The following ADCY8 variants were observed in gnomAD, a reference collection of about 807,000 sequenced individuals.
The protein encoded by ADCY8 is adenylate cyclase type 8.
Under a neutral mutation model 119.7 loss-of-function variants are expected in ADCY8, and 51 were observed. The observed-to-expected ratio is 0.43, with a 90% CI of 0.34 to 0.54. ADCY8 has a LOEUF of 0.54. ADCY8 is among the 20% of genes least tolerant of loss of function. The pLI, the probability that ADCY8 is intolerant of heterozygous loss-of-function variation, is 0.03. For missense variants in ADCY8, 1,383 were observed against 1,598.8 expected (o/e 0.87, Z 2.30); for synonymous variants, 665 against 651.0 (o/e 1.02, Z -0.33).
chr8:130,869,966 CT>C (rs375386160), intron 8 of ADCY8, among the ~76,000 whole-genome samples: 3,130 of 57,908 alleles, frequency 0.054, 71 homozygotes, highest in East Asian at 0.26. Context: ...CTTCTTCCTT[CT>C]TCCTTCTTCC....
At chr8:130,971,019 C>T (rs965479854) in intron 2 of ADCY8, among the ~76,000 whole-genome samples, 2 of 152,128 alleles carry the variant, frequency 1.3e-5, no homozygotes, top group Non-Finnish European at 2.9e-5. Context: ...AGAAAGGATT[C>T]AATAACATTA....
chr8:131,003,445 G>A (rs1460921184), intron 1 of ADCY8, among the ~76,000 whole-genome samples: 1 of 152,124 alleles, frequency 6.6e-6, no homozygotes, highest in East Asian at 1.9e-4. Context: ...TCAGAGAAGT[G>A]GACAAAACAA....
At chr8:130,859,676 A>G (rs889098329) in intron 9 of ADCY8, among the ~76,000 whole-genome samples, 6 of 152,238 alleles carry the variant, frequency 3.9e-5, no homozygotes, top group African/African-American at 1.4e-4. Flanking sequence ...TGTATATATT[A>G]AAGTTCATTC....
At chr8:130,863,014 A>G (rs1318143774) in intron 9 of ADCY8, among the ~76,000 whole-genome samples, 1 of 152,234 alleles carries the variant, frequency 6.6e-6, no homozygotes, top group Non-Finnish European at 1.5e-5. Context: ...CAGGTTATCT[A>G]TATCTCTAAT....
At chr8:130,814,992 G>A (rs1457188212) in intron 13 of ADCY8, among the ~76,000 whole-genome samples, 1 of 152,144 alleles carries the variant, frequency 6.6e-6, no homozygotes, top group Non-Finnish European at 1.5e-5. Context: ...CAATGTGATG[G>A]CATTTAGAGA....
At chr8:130,866,560 T>TG (rs1818130965) in intron 9 of ADCY8, among the ~76,000 whole-genome samples, 1 of 152,234 alleles carries the variant, frequency 6.6e-6, no homozygotes, top group African/African-American at 2.4e-5. Context: ...CTCACTTGTA[T>TG]GGCCTTGCCA....
intron 14 of ADCY8, among the ~76,000 whole-genome samples, chr8:130,807,983 C>CAAAAAAAAAAAAA (rs752321769): frequency 1.1e-4 from 5 of 47,238 alleles, no homozygotes; most frequent in Admixed American, 4.1e-4. Flanking sequence ...GACTCCGTCT[C>CAAAAAAAAAAAAA]AAAAAAAAAA....
intron 1 of ADCY8, among the ~76,000 whole-genome samples, chr8:131,029,741 G>A (rs1314397707): frequency 1.3e-5 from 2 of 152,050 alleles, no homozygotes; most frequent in Non-Finnish European, 2.9e-5. Flanking sequence ...TCTGCTCAAA[G>A]TGCTTCAAGG....
intron 14 of ADCY8, among the ~76,000 whole-genome samples, chr8:130,808,313 T>C (rs1000908994): frequency 6.6e-6 from 1 of 152,042 alleles, no homozygotes. Flanking sequence ...GAAGGAATGG[T>C]TGAATGAAGG....
chr8:130,943,384 G>A lies in ADCY8; in HGVS notation c.1320C>T (p.Asn440=), dbSNP rs77053582. The A allele has an allele frequency of 1.5e-5, 23 of 1,580,930 alleles. No homozygotes were observed. Among genetic ancestry groups the A allele is most frequent in the East Asian group, 1.4e-4 (6 of 42,018 alleles). The change falls in exon 4 of 18, where the codon AAC becomes AAT. Residue 440 remains asparagine (N), a synonymous_variant. Transcript: ENST00000286355. The stretch of plus-strand genomic sequence containing the variant: ...GTCGATCAAATCTGGCAAAGAGCTC[G>A]TTGAGCATCCTGACCAGCTCCTGAG... ...LSAQELVRML[N]ELFARFDRLA...
chr8:131,031,362 C>G (rs1823991704), intron 1 of ADCY8, among the ~76,000 whole-genome samples: 1 of 152,188 alleles, frequency 6.6e-6, no homozygotes, highest in Admixed American at 6.5e-5. Context: ...AGGAGACACA[C>G]AGAAAATAAC....
At chr8:130,819,743 A>G (rs1208858240) in intron 13 of ADCY8, among the ~76,000 whole-genome samples, 1 of 151,964 alleles carries the variant, frequency 6.6e-6, no homozygotes, top group Non-Finnish European at 1.5e-5. Flanking sequence ...GTAGCAGAAG[A>G]CAAGACCCCA....
Position 130,780,643 on chromosome 8 carries a change from T to C in ADCY8, c.3503A>G (p.Tyr1168Cys). The change falls in exon 18 of 18, where the codon TAC becomes TGC. Residue 1168 changes from tyrosine to cysteine, a missense_variant. Transcript: ENST00000286355. ...GGGTTGGACTCTTCCCAGAAGAAAG[T>C]ACGTTTTGATTTTTCCTTCCTGTTC... ...ISEQEGKIKT[Y>C]FLLGRVQPNP... The C allele has an allele frequency of 6.2e-7, 1 of 1,614,156 alleles. No homozygotes were observed. The highest frequency in any genetic ancestry group is 1.1e-5 in the South Asian group (1 of 91,080).
intron 11 of ADCY8, among the ~76,000 whole-genome samples, chr8:130,844,383 A>G (rs10111319): frequency 0.036 from 5,499 of 152,176 alleles, 322 homozygotes; most frequent in African/African-American, 0.12. Context: ...CGAATTTAGA[A>G]CCAAGTTATA....
At chr8:130,821,111 GGAT>G (rs763527114) in intron 13 of ADCY8, among the ~76,000 whole-genome samples, 3 of 152,166 alleles carry the variant, frequency 2.0e-5, no homozygotes, top group Non-Finnish European at 4.4e-5. Flanking sequence ...TCTTTCACTA[GGAT>G]GATATTTTGA....
chr8:130,936,644 C>T (rs771816931), intron 5 of ADCY8, among the ~76,000 whole-genome samples: 11 of 152,206 alleles, frequency 7.2e-5, no homozygotes, highest in Non-Finnish European at 1.5e-4. Context: ...CCTTCCCCAA[C>T]ATCCTACGTT....
chr8:130,807,136 G>A (rs960337322), intron 14 of ADCY8, among the ~76,000 whole-genome samples: 7 of 152,214 alleles, frequency 4.6e-5, no homozygotes, highest in Non-Finnish European at 7.3e-5. Flanking sequence ...CATGCGCTCC[G>A]TCGCACACCT....
At chr8:130,952,225 T>C (rs1455599540) in intron 2 of ADCY8, among the ~76,000 whole-genome samples, 1 of 152,224 alleles carries the variant, frequency 6.6e-6, no homozygotes, top group Non-Finnish European at 1.5e-5. Flanking sequence ...GTTCTGACTC[T>C]GGTGGAGCTT....
rs371605309 is a variant in ADCY8, at chr8:131,006,469, A to G, written c.961-15927T>C. ...TTTCCTGGGCAGTGGGGCTTTTTCAAGTTTATTTACTCTGGCAATGATGAG... is the reference window on the plus strand; with the variant it reads ...TTTCCTGGGCAGTGGGGCTTTTTCAGGTTTATTTACTCTGGCAATGATGAG... On this transcript the variant is annotated intron_variant, in intron 1 of 17. Transcript: ENST00000286355. Among the ~76,000 whole-genome samples, 35 of 152,280 alleles carry G rather than the reference A, an allele frequency of 2.3e-4. No homozygotes were observed. The East Asian group carries it at 4.6e-3, about 20-fold the overall frequency.
Sources: gnomAD v4.1 joint callset for allele counts (sites outside exome capture counted in the v4.1 genomes callset) on GRCh38, gnomAD v4.1.1 for gene constraint, MANE v1.5 for transcripts, NCBI Gene and HGNC (gene_info 2026-07-23, HGNC 2026-07-21) for gene names.